Variants in KCMF1 observed in about 807,000 individuals in gnomAD.
The protein encoded by KCMF1 is E3 ubiquitin-protein ligase KCMF1.
A neutral mutation model predicts 41.1 loss-of-function variants in KCMF1; 3 were observed. That is an observed-to-expected ratio of 0.07 (90% CI 0.03 to 0.19). The LOEUF (loss-of-function observed/expected upper bound fraction) is 0.19. Ranked by LOEUF, KCMF1 falls within the 10% of genes least tolerant of loss-of-function variation. The pLI, the probability that KCMF1 is intolerant of heterozygous loss-of-function variation, is 1.00. For missense variants in KCMF1, 286 were observed against 488.9 expected (o/e 0.58, Z 3.91); for synonymous variants, 142 against 164.5 (o/e 0.86, Z 1.04).
intron 1 of KCMF1, among the ~76,000 whole-genome samples, chr2:85,002,115 T>C (rs1325793155): frequency 1.3e-5 from 2 of 152,210 alleles, no homozygotes; most frequent in African/African-American, 4.8e-5. Context: ...ATTATATTAA[T>C]AACATTATTG....
chr2:85,048,235 C>T (rs1173648289), intron 5 of KCMF1, among the ~76,000 whole-genome samples: 1 of 152,132 alleles, frequency 6.6e-6, no homozygotes, highest in African/African-American at 2.4e-5. Flanking sequence ...ACAACAAAAA[C>T]AAGCCTAATA....
intron 5 of KCMF1, among the ~76,000 whole-genome samples, chr2:85,047,516 A>G (rs1675700078): frequency 6.6e-6 from 1 of 151,954 alleles, no homozygotes; most frequent in African/African-American, 2.4e-5. Flanking sequence ...AGTAGGACTT[A>G]ATGTCCTGAC....
chr2:85,031,018 A>G (rs1675253650), intron 2 of KCMF1, among the ~76,000 whole-genome samples: 1 of 152,236 alleles, frequency 6.6e-6, no homozygotes, highest in Non-Finnish European at 1.5e-5. Flanking sequence ...TCTTTATGCC[A>G]GTACTACACT....
intron 1 of KCMF1, among the ~76,000 whole-genome samples, chr2:84,977,870 C>T (rs1246530539): frequency 6.6e-6 from 1 of 152,032 alleles, no homozygotes; most frequent in African/African-American, 2.4e-5. Flanking sequence ...TTTTGAAGCT[C>T]ATTTTCCCAT....
intron 3 of KCMF1, among the ~76,000 whole-genome samples, chr2:85,037,975 T>A (rs567163291): frequency 3.2e-4 from 49 of 152,374 alleles, no homozygotes; most frequent in African/African-American, 5.0e-4. Flanking sequence ...TGGAATTATT[T>A]TTCAGTGTAG....
chr2:85,055,286 A>T lies in KCMF1; in HGVS notation c.*1877A>T, dbSNP rs1675901177. The T allele has an allele frequency of 6.6e-6, 1 of 152,166 alleles. No homozygotes were observed. The highest frequency in any genetic ancestry group is 2.4e-5 in the African/African-American group (1 of 41,450). 9.4% of individuals were successfully genotyped at this position (152,166 alleles called of 1,614,324 possible). On this transcript the variant is annotated 3_prime_UTR_variant, in exon 7 of 7. Transcript: ENST00000409785. Reference sequence around the variant, plus strand: ...TTGGTGTTAGTGGATTAACCTAACCATTACTCTGAGATTTTATATCTCTAA... The same window carrying T: ...TTGGTGTTAGTGGATTAACCTAACCTTTACTCTGAGATTTTATATCTCTAA...
At chr2:85,004,472 ACTGCACTCCAGCCTGGGCGACAG>A (rs1294505873) in intron 1 of KCMF1, among the ~76,000 whole-genome samples, 2 of 151,954 alleles carry the variant, frequency 1.3e-5, no homozygotes, top group Admixed American at 6.6e-5. Flanking sequence ...AGATCGCGCC[ACTGCACTCCAGCCTGGGCGACAG>A]AGCAAGACTC....
At chr2:84,973,099 G>T (rs1158038735) in intron 1 of KCMF1, among the ~76,000 whole-genome samples, 1 of 152,182 alleles carries the variant, frequency 6.6e-6, no homozygotes, top group African/African-American at 2.4e-5. Context: ...CCACCTTCAA[G>T]ACAAAACAAA....
At chr2:84,998,001 G>A (rs1352664097) in intron 1 of KCMF1, among the ~76,000 whole-genome samples, 1 of 151,700 alleles carries the variant, frequency 6.6e-6, no homozygotes, top group East Asian at 1.9e-4. Context: ...TTGAACTCCT[G>A]ACCTCAAGTG....
chr2:84,985,666 TA>T (rs1461719920), intron 1 of KCMF1, among the ~76,000 whole-genome samples: 2 of 152,060 alleles, frequency 1.3e-5, no homozygotes, highest in Non-Finnish European at 2.9e-5. Flanking sequence ...CCGTCTCTAC[TA>T]AAAATACAAA....
Position 85,054,483 on chromosome 2 carries a change from G to A in KCMF1, c.*1074G>A, listed in dbSNP as rs559091229. 4.6e-5 allele frequency: 7 copies of A among 151,986 alleles called. 1 individual carries two copies. Among genetic ancestry groups the A allele is most frequent in the African/African-American group, 1.7e-4 (7 of 41,442 alleles). 9.4% of individuals were successfully genotyped at this position (151,986 alleles called of 1,614,324 possible). A position where few individuals can be genotyped will look rare whatever the true frequency, so the allele number is the denominator to read the frequency against. On this transcript the variant is annotated 3_prime_UTR_variant, in exon 7 of 7. Coordinates refer to ENST00000409785, the MANE Select transcript of KCMF1 (RefSeq NM_020122.5). ...ACCTTTTATTTATTGGGTTTTTTCT[G>A]GCATAAAAAGTAAAGCCTTTTAATT...
intron 1 of KCMF1, among the ~76,000 whole-genome samples, chr2:85,003,291 G>A (rs1004042871): frequency 1.3e-4 from 19 of 151,978 alleles, no homozygotes; most frequent in African/African-American, 4.6e-4. Context: ...GGCTAACACG[G>A]TGAAACCCCG....
At chr2:85,032,347 T>TTTTTATTTTTATTTTA (rs555472957) in intron 2 of KCMF1, among the ~76,000 whole-genome samples, 1 of 151,276 alleles carries the variant, frequency 6.6e-6, no homozygotes, top group Admixed American at 6.6e-5. Flanking sequence ...AATTTTTTTA[T>TTTTTATTTTTATTTTA]TTTTATTTTT....
intron 1 of KCMF1, among the ~76,000 whole-genome samples, chr2:85,016,600 G>T (rs529868574): frequency 6.6e-6 from 1 of 151,772 alleles, no homozygotes; most frequent in African/African-American, 2.4e-5. Flanking sequence ...TTCTCCAGCA[G>T]TTTCACATCT....
chr2:85,033,141 A>C (rs934891355), intron 2 of KCMF1, among the ~76,000 whole-genome samples: 5 of 152,196 alleles, frequency 3.3e-5, no homozygotes, highest in Non-Finnish European at 7.3e-5. Context: ...TGTGCACCTA[A>C]TAAATGGTCA....
intron 1 of KCMF1, among the ~76,000 whole-genome samples, chr2:84,999,456 T>G (rs987254005): frequency 6.6e-6 from 1 of 152,240 alleles, no homozygotes; most frequent in Non-Finnish European, 1.5e-5. Context: ...CGGCCTCATT[T>G]ATTTTTTATA....
intron 5 of KCMF1, 88 bp downstream of exon 5, chr2:85,046,366 A>G (rs1675667597): frequency 2.0e-6 from 2 of 1,021,498 alleles, no homozygotes; most frequent in Admixed American, 4.6e-5. Context: ...GCGGTGGCTC[A>G]CACCTTTAAT....
At chr2:85,023,820 T>C (rs1242068797) in intron 1 of KCMF1, among the ~76,000 whole-genome samples, 1 of 152,236 alleles carries the variant, frequency 6.6e-6, no homozygotes, top group African/African-American at 2.4e-5. Flanking sequence ...TTTACACTCC[T>C]ACCAGCAGGG....
At chr2:85,023,971 T>A (rs1039245006) in intron 1 of KCMF1, among the ~76,000 whole-genome samples, 7 of 152,206 alleles carry the variant, frequency 4.6e-5, no homozygotes, top group African/African-American at 1.7e-4. Flanking sequence ...AGATTGAGCA[T>A]CTTTTCATAT....
Sources: allele counts gnomAD v4.1 joint callset (sites outside exome capture counted in the v4.1 genomes callset), GRCh38; gene constraint gnomAD v4.1.1; transcripts MANE v1.5; gene names NCBI Gene and HGNC (gene_info 2026-07-23, HGNC 2026-07-21).